HOOK2: variants seen among roughly 807,000 people sequenced by gnomAD.
HOOK2 encodes the protein hook microtubule tethering protein 2.
Under a neutral mutation model 111.9 loss-of-function variants are expected in HOOK2, and 108 were observed. The observed-to-expected ratio is 0.96, with a 90% CI of 0.83 to 1.13. The LOEUF (loss-of-function observed/expected upper bound fraction) is 1.13. HOOK2 is among the 50% of genes most tolerant of loss of function. The probability of loss-of-function intolerance (pLI) is 0.00; values close to 1 mark genes in which losing one functional copy is unlikely to be tolerated. For synonymous variants in HOOK2, 405 were observed against 394.3 expected (o/e 1.03, Z -0.32); for missense variants, 978 against 951.3 (o/e 1.03, Z -0.37).
In HOOK2 at chr19:12,774,862, G is replaced by T. The variant is rs532459520; in HGVS notation, c.81C>A (p.Ser27Arg). ...CAAGGCCGCTGCTCAGGTCCTGAGG[G>T]CTGGCACAGGGAGACGGAACGTGGA... ...QTFHVPSPCA[S>R]PQDLSSGLAV... The change falls in exon 2 of 23, where the codon AGC becomes AGA. Residue 27 changes from serine (S) to arginine (R), a missense_variant. Physicochemically the swap from Ser to Arg is moderately radical, Grantham distance 110. Transcript: ENST00000397668. 3.1e-5 allele frequency: 50 copies of T among 1,614,008 alleles called. No individual in the cohort carries two copies. Among genetic ancestry groups the T allele is most frequent in the Admixed American group, 1.8e-4 (11 of 59,990 alleles).
chr19:12,770,893 C>A, intron 10 of HOOK2, 39 bp downstream of exon 10: 2 of 1,566,752 alleles, frequency 1.3e-6, no homozygotes, highest in South Asian at 1.2e-5. Context: ...GGTTTACCCC[C>A]CGCCCCCCGT....
At position 12,763,200 on chromosome 19, in the gene HOOK2, G is replaced by C. The variant is rs1016787718; in HGVS notation, c.*82C>G. ...TGGCCTCAAAGCTCTCGAGCACCTG[G>C]CTGAAGCCCAGTGCTGGGCGCCATG... On this transcript the variant is annotated 3_prime_UTR_variant, in exon 23 of 23. Coordinates refer to ENST00000397668, the MANE Select transcript of HOOK2 (RefSeq NM_013312.3). 1.3e-6 allele frequency: 2 copies of C among 1,507,550 alleles called. No homozygotes were observed. 93.4% of individuals were successfully genotyped at this position (1,507,550 alleles called of 1,614,324 possible). A position where few individuals can be genotyped will look rare whatever the true frequency, so the allele number is the denominator to read the frequency against.
Position 12,766,022 on chromosome 19 carries a change from G to A in HOOK2, c.1512-8C>T. 1 of 1,612,776 alleles carries A rather than the reference G, an allele frequency of 6.2e-7. No individual in the cohort carries two copies. The highest frequency in any genetic ancestry group is 8.5e-7 in the Non-Finnish European group (1 of 1,179,848). ...AGCTGCTGCTGGTTCAGCCTGCGAG[G>A]GTGGGGGGCCGCTTAGTGCCTGTGC... On this transcript the variant is annotated splice_region_variant and splice_polypyrimidine_tract_variant and intron_variant, in intron 15 of 22. Coordinates refer to ENST00000397668, the MANE Select transcript of HOOK2 (RefSeq NM_013312.3).
Position 12,767,798 on chromosome 19 carries a change from G to C in HOOK2, c.1303+18C>G. On this transcript the variant is annotated intron_variant, in intron 13 of 22. Transcript: ENST00000397668. The stretch of plus-strand genomic sequence containing the variant: ...TACACCAGGACAGGTAAGACCCCGG[G>C]ATGGGGCTTCATCTCACCGGCCTGG... 1 of 1,597,614 alleles carries C rather than the reference G, an allele frequency of 6.3e-7. No homozygotes were observed. The highest frequency in any genetic ancestry group is 8.5e-7 in the Non-Finnish European group (1 of 1,177,948).
intron 22 of HOOK2, 42 bp from the exon 23 acceptor site, chr19:12,763,473 A>AC (rs757898532): frequency 6.5e-5 from 104 of 1,610,960 alleles, no homozygotes; most frequent in Non-Finnish European, 7.5e-5. Context: ...AGCTCACAGG[A>AC]CCCCCCCACC....
intron 20 of HOOK2, chr19:12,764,596 G>C (rs2145722297): frequency 1.7e-6 from 1 of 576,042 alleles, no homozygotes; most frequent in East Asian, 2.9e-5. Context: ...CCAAAGTGCT[G>C]GGATTACAGC....
rs544829455 is a variant in HOOK2 at position 12,788,959 on chromosome 19, C to G, written n.42-14734G>C. On this transcript the variant is annotated intron_variant and non_coding_transcript_variant, in intron 3 of 3. Transcript: ENST00000589765. ...GGGACGCCCCCAGCTTCTGCTGGGA[C>G]CTTCCTCCAGCAAGGCCACTGCACT... Among the ~76,000 whole-genome samples, 4 of 152,228 alleles carry G rather than the reference C, an allele frequency of 2.6e-5. No homozygotes were observed. The East Asian group carries it at 7.8e-4, about 30-fold the overall frequency.
At chr19:12,784,735 T>C (rs1353447443) in intron 3 of HOOK2, 1 of 151,460 alleles carries the variant, frequency 6.6e-6, no homozygotes, top group Non-Finnish European at 1.5e-5. Context: ...ACGAGAGATA[T>C]GCAGACACAG....
At chr19:12,772,529 C>A (rs1279096170) in intron 6 of HOOK2, 84 bp downstream of exon 6, 17 of 1,458,484 alleles carry the variant, frequency 1.2e-5, no homozygotes, top group Non-Finnish European at 1.5e-5. Flanking sequence ...CTTACCAGGG[C>A]AGGACCTGTG....
chr19:12,791,588 C>A lies in HOOK2; in HGVS notation n.42-17363G>T. The A allele has an allele frequency of 1.9e-6, 1 of 517,738 alleles. No individual in the cohort carries two copies. Among genetic ancestry groups the A allele is most frequent in the Non-Finnish European group, 3.4e-6 (1 of 297,050 alleles). 32.1% of individuals were successfully genotyped at this position (517,738 alleles called of 1,614,324 possible). ...ATCGCGCCAGAGAGGGCGACGGGGG[C>A]TCGGGAAGCCTGACAGGGCTTTTGC... is the stretch of plus-strand genomic sequence containing the variant. On this transcript the variant is annotated intron_variant and non_coding_transcript_variant, in intron 3 of 3. Coordinates refer to the HOOK2 transcript ENST00000589765. This position sits in a 1 kb window ranked among gnomAD's most constrained non-coding sequence, Gnocchi z 7.0.
upstream of HOOK2, among the ~76,000 whole-genome samples, chr19:12,780,514 G>A (rs7245969): frequency 0.047 from 7,071 of 151,004 alleles, 602 homozygotes; most frequent in African/African-American, 0.16. Flanking sequence ...CCGCCACCAG[G>A]TGTGGCTAAT....
At chr19:12,769,067 A>G (rs982286201) in intron 11 of HOOK2, among the ~76,000 whole-genome samples, 1 of 147,834 alleles carries the variant, frequency 6.8e-6, no homozygotes, top group South Asian at 2.1e-4. Flanking sequence ...CCGGGTTCAC[A>G]CCATTCTCCT....
intron 3 of HOOK2, among the ~76,000 whole-genome samples, chr19:12,785,472 C>G (rs1355762352): frequency 2.0e-5 from 3 of 152,110 alleles, no homozygotes; most frequent in Admixed American, 1.3e-4. Flanking sequence ...AGCCACAGAC[C>G]ACACACACAA....
At chr19:12,783,252 T>C (rs1200544855), upstream of HOOK2, among the ~76,000 whole-genome samples, 9 of 150,032 alleles carry the variant, frequency 6.0e-5, no homozygotes, top group African/African-American at 2.2e-4. Context: ...GGGGAAGGCC[T>C]CCCCCACCAG....
At chr19:12,766,398 T>C in intron 14 of HOOK2, 158 bp from the exon 15 acceptor site, 1 of 899,270 alleles carries the variant, frequency 1.1e-6, no homozygotes. Context: ...GGGTTCAGGT[T>C]CCCGGCCCAG....
chr19:12,767,415 C>T lies in HOOK2; in HGVS notation c.1353G>A (p.Glu451=). ...GATACCTGAGCTCCGCAGGCAGGAT[C>T]TCTGCGGCTAAGTTATCCACGGGTG... ...TSTPVDNLAA[E]ILPAELRETL... Residue 451 remains glutamate (E), a synonymous_variant, in exon 14 of 23, where the codon GAG becomes GAA. Coordinates refer to ENST00000397668, the MANE Select transcript of HOOK2 (RefSeq NM_013312.3). The T allele has an allele frequency of 6.2e-7, 1 of 1,614,052 alleles. No homozygotes were observed. The highest frequency in any genetic ancestry group is 8.5e-7 in the Non-Finnish European group (1 of 1,179,946).
chr19:12,774,525 C>CTCCA lies in HOOK2; in HGVS notation c.204+140_204+143dup, dbSNP rs1177193276. On this transcript the variant is annotated intron_variant, in intron 3 of 22. Transcript: ENST00000397668. Reference sequence around the variant, plus strand: ...GCCCAGGCCTGGCACAGGGTGAGTACTCCATAGATGAATGGATGAACAAAT... The same window carrying CTCCA: ...GCCCAGGCCTGGCACAGGGTGAGTACTCCATCCATAGATGAATGGATGAACAAAT... 5.1e-6 allele frequency: 4 copies of CTCCA among 790,694 alleles called. No homozygotes were observed. The South Asian group carries it at 6.2e-5, about 12-fold the overall frequency. 49.0% of individuals were successfully genotyped at this position (790,694 alleles called of 1,614,324 possible). A position where few individuals can be genotyped will look rare whatever the true frequency, so the allele number is the denominator to read the frequency against.
At chr19:12,765,764 G>C in intron 17 of HOOK2, 40 bp from the exon 18 acceptor site, 1 of 1,614,200 alleles carries the variant, frequency 6.2e-7, no homozygotes, top group South Asian at 1.1e-5. Flanking sequence ...GGGATCCAGA[G>C]AGGCCCTAAT....
chr19:12,764,935 C>T lies in HOOK2; in HGVS notation c.1724-18G>A. ...CCGGGCTGCTGGCGGAAGAGGTGGC[C>T]CATCAGCTCCACGCTGCTGGGCTCT... On this transcript the variant is annotated intron_variant, in intron 19 of 22. Transcript: ENST00000397668. 3 of 1,613,806 alleles carry T rather than the reference C, an allele frequency of 1.9e-6. No individual in the cohort carries two copies. Among genetic ancestry groups the T allele is most frequent in the Non-Finnish European group, 2.5e-6 (3 of 1,179,944 alleles).
Sources: allele counts gnomAD v4.1 joint callset (sites outside exome capture counted in the v4.1 genomes callset), GRCh38; gene constraint gnomAD v4.1.1; non-coding constraint Gnocchi (gnomAD v3.1); transcripts MANE v1.5; gene names NCBI Gene and HGNC (gene_info 2026-07-23, HGNC 2026-07-21).